The following RTN4 variants were observed in gnomAD, a reference collection of about 807,000 sequenced individuals.
RTN4 encodes the protein reticulon-4.
In RTN4, 32 loss-of-function variants were observed where a neutral mutation model predicts 90.4. The ratio of observed to expected loss-of-function variants is 0.35; its 90% CI spans 0.27 to 0.48. RTN4 has a LOEUF of 0.48. Among genes scored for constraint, RTN4 ranks in the 20% least tolerant of loss-of-function variants. RTN4 has a pLI of 0.99. For missense variants in RTN4, 1,706 were observed against 1,430.2 expected (o/e 1.19, Z -3.11); for synonymous variants, 629 against 552.5 (o/e 1.14, Z -1.94).
the RTN4 span, among the ~76,000 whole-genome samples, chr2:55,136,450 T>A: frequency 1.3e-5 from 2 of 152,258 alleles, no homozygotes; most frequent in Non-Finnish European, 2.9e-5. Flanking sequence ...TGGACTCAAG[T>A]CGCCCGCTTG....
At chr2:55,045,832 C>G (rs1400477945) in intron 1 of RTN4, among the ~76,000 whole-genome samples, 4 of 152,146 alleles carry the variant, frequency 2.6e-5, no homozygotes, top group Non-Finnish European at 5.9e-5. Context: ...AGAACATGTC[C>G]AGAGACCAGT....
At chr2:55,021,393 C>CT (rs575738482) in intron 3 of RTN4, among the ~76,000 whole-genome samples, 1 of 142,388 alleles carries the variant, frequency 7.0e-6, no homozygotes, top group Non-Finnish European at 1.6e-5. Context: ...TTTTCCCTGC[C>CT]CCCCCCGCCA....
upstream of RTN4, among the ~76,000 whole-genome samples, chr2:55,116,266 A>C (rs1668124069): frequency 6.6e-6 from 1 of 152,088 alleles, no homozygotes; most frequent in African/African-American, 2.4e-5. Context: ...CTGGACCAGC[A>C]GCTGATAAGA....
chr2:55,114,502 C>T (rs1668090496), upstream of RTN4, among the ~76,000 whole-genome samples: 2 of 152,118 alleles, frequency 1.3e-5, no homozygotes, highest in South Asian at 4.1e-4. Flanking sequence ...AGTTCGAGAC[C>T]AGCCTGGCTG....
intron 1 of RTN4, among the ~76,000 whole-genome samples, chr2:55,081,342 G>A (rs974702362): frequency 6.6e-6 from 1 of 152,120 alleles, no homozygotes; most frequent in Non-Finnish European, 1.5e-5. Flanking sequence ...CTCCCTAAGT[G>A]CTGGGATTAC....
chr2:55,070,839 C>T lies in RTN4; in HGVS notation c.-63+9650G>A, dbSNP rs561306352. On this transcript the variant is annotated intron_variant, in intron 2 of 3. Coordinates refer to the RTN4 transcript ENST00000427710. ...TTGCCCAGGCTGGAGTACAGTGGTG[C>T]GATCTCGGCTCACTGCAAGCTCTGT... 9.0e-4 allele frequency among the ~76,000 whole-genome samples: 136 copies of T among 151,722 alleles called. 1 individual carries two copies. The highest frequency in any genetic ancestry group is 1.6e-3 in the Non-Finnish European group (110 of 67,912).
intron 3 of RTN4, among the ~76,000 whole-genome samples, chr2:54,998,164 A>T (rs1285125740): frequency 6.6e-6 from 1 of 150,758 alleles, no homozygotes; most frequent in East Asian, 2.0e-4. Context: ...GACAGAAAGT[A>T]GATAAGTGAT....
Position 55,026,872 on chromosome 2 carries a change from T to A in RTN4, c.1227A>T (p.Gly409=), listed in dbSNP as rs200611126. Residue 409 remains glycine (G), a synonymous_variant, in exon 3 of 9, where the codon GGA becomes GGT. Coordinates refer to ENST00000337526, the MANE Select transcript of RTN4 (RefSeq NM_020532.5). ...TTTCCAAGTTGCTCTCGATTTTACC[T>A]CCAGCAGCCAACATATCACTATCTT... ...SKEDSDMLAA[G]GKIESNLESK... is the part of the protein sequence containing the mutation. 5.6e-6 allele frequency: 9 copies of A among 1,613,818 alleles called. No individual in the cohort carries two copies. The highest frequency in any genetic ancestry group is 1.3e-5 in the African/African-American group (1 of 74,894).
chr2:55,045,658 A>G (rs1683372753), intron 1 of RTN4, among the ~76,000 whole-genome samples: 1 of 152,264 alleles, frequency 6.6e-6, no homozygotes, highest in East Asian at 1.9e-4. Flanking sequence ...CAACAATTAA[A>G]AAAAACAATT....
intron 2 of RTN4, among the ~76,000 whole-genome samples, chr2:55,063,833 A>G (rs997974939): frequency 6.6e-6 from 1 of 151,860 alleles, no homozygotes; most frequent in African/African-American, 2.4e-5. Flanking sequence ...GTGAGCGGAG[A>G]CTGGGCACTG....
intron 2 of RTN4, among the ~76,000 whole-genome samples, chr2:55,077,756 T>TAC (rs200121610): frequency 0.082 from 11,849 of 144,366 alleles, 549 homozygotes; most frequent in Admixed American, 0.13. Flanking sequence ...AAATGTTTTA[T>TAC]ACACACACAC....
chr2:54,974,871 A>C (rs1048114674), intron 5 of RTN4, 107 bp from the exon 6 acceptor site: 1 of 828,624 alleles, frequency 1.2e-6, no homozygotes, highest in East Asian at 2.5e-5. Context: ...AAGGCATACA[A>C]CTTGAAGACT....
At chr2:55,089,598 A>G (rs1433861203) in intron 1 of RTN4, among the ~76,000 whole-genome samples, 1 of 152,254 alleles carries the variant, frequency 6.6e-6, no homozygotes, top group East Asian at 1.9e-4. Flanking sequence ...TAAGGGACAG[A>G]GACGTCCTGC....
chr2:55,070,231 C>T (rs1429397025), intron 2 of RTN4, among the ~76,000 whole-genome samples: 1 of 151,996 alleles, frequency 6.6e-6, no homozygotes, highest in African/African-American at 2.4e-5. Flanking sequence ...AGTAATACTC[C>T]AGTAATACAC....
chr2:55,110,085 G>A (rs1668009658), intron 1 of RTN4, among the ~76,000 whole-genome samples: 1 of 152,136 alleles, frequency 6.6e-6, no homozygotes, highest in Non-Finnish European at 1.5e-5. Context: ...GAGACTGGTG[G>A]ATAGCTTGAG....
At position 55,026,295 on chromosome 2, in the gene RTN4, C is replaced by G. The variant is rs200272918; in HGVS notation, c.1804G>C (p.Glu602Gln). 28 of 1,613,792 alleles carry G rather than the reference C, an allele frequency of 1.7e-5. No individual in the cohort carries two copies. The highest frequency in any genetic ancestry group is 6.6e-5 in the South Asian group (6 of 91,080). The part of the protein sequence containing the change: ...PAAQLCPSFE[E>Q]SEATPSPVLP... ...ACTGGTGAAGGAGTAGCTTCTGACT[C>G]TTCAAATGATGGGCAAAGCTGTGCT... The change falls in exon 3 of 9, where the codon GAG (glutamate) becomes CAG (glutamine). Residue 602 changes from glutamate (E) to glutamine (Q), a missense_variant. Glu to Gln is a conservative substitution (Grantham distance 29, BLOSUM62 2). Coordinates refer to ENST00000337526, the MANE Select transcript of RTN4 (RefSeq NM_020532.5).
chr2:55,056,783 G>A (rs1267793153), intron 2 of RTN4, among the ~76,000 whole-genome samples: 1 of 152,124 alleles, frequency 6.6e-6, no homozygotes, highest in Non-Finnish European at 1.5e-5. Flanking sequence ...TAGTGATTAT[G>A]TGTTCTGCAT....
At chr2:55,133,586 C>G in the RTN4 span, among the ~76,000 whole-genome samples, 1 of 152,096 alleles carries the variant, frequency 6.6e-6, no homozygotes. Flanking sequence ...TGTAAGGTAC[C>G]CTTGAGGTGT....
At chr2:55,022,503 C>G (rs905302708) in intron 3 of RTN4, among the ~76,000 whole-genome samples, 1 of 152,092 alleles carries the variant, frequency 6.6e-6, no homozygotes, top group African/African-American at 2.4e-5. Flanking sequence ...TTCTACACAC[C>G]TAAGGGAGGA....
Sources: allele counts gnomAD v4.1 joint callset (sites outside exome capture counted in the v4.1 genomes callset), GRCh38; gene constraint gnomAD v4.1.1; transcripts MANE v1.5; gene names NCBI Gene and HGNC (gene_info 2026-07-23, HGNC 2026-07-21).